The following SLFN12 variants were observed in gnomAD, a reference collection of about 807,000 sequenced individuals.
The protein encoded by SLFN12 is ribonuclease SLFN12.
Under a neutral mutation model 29.1 loss-of-function variants are expected in SLFN12, and 25 were observed. The observed-to-expected ratio is 0.86, with a 90% CI of 0.63 to 1.20. SLFN12 has a LOEUF of 1.20. Among genes scored for constraint, SLFN12 ranks in the 50% most tolerant of loss-of-function variants. The probability of loss-of-function intolerance (pLI) is 0.00; values close to 1 mark genes in which losing one functional copy is unlikely to be tolerated. For missense variants in SLFN12, 660 were observed against 666.2 expected (o/e 0.99, Z 0.10); for synonymous variants, 257 against 238.7 (o/e 1.08, Z -0.71).
At chr17:35,431,143 G>T (rs1215873873) in intron 1 of SLFN12, among the ~76,000 whole-genome samples, 7 of 152,104 alleles carry the variant, frequency 4.6e-5, no homozygotes. Flanking sequence ...TGTTTAAATG[G>T]CCCATCGGGT....
At chr17:35,415,060 A>T (rs911909628) in intron 3 of SLFN12, among the ~76,000 whole-genome samples, 4 of 152,172 alleles carry the variant, frequency 2.6e-5, no homozygotes, top group Non-Finnish European at 4.4e-5. Flanking sequence ...AGCAAAAGCA[A>T]GACTAAGCAA....
chr17:35,430,856 G>A (rs902145645), intron 1 of SLFN12, among the ~76,000 whole-genome samples: 1 of 152,094 alleles, frequency 6.6e-6, no homozygotes, highest in African/African-American at 2.4e-5. Flanking sequence ...GACTCTAAGT[G>A]CCAGCAGCTG....
At chr17:35,425,393 T>C (rs1477749531) in intron 1 of SLFN12, among the ~76,000 whole-genome samples, 3 of 152,092 alleles carry the variant, frequency 2.0e-5, no homozygotes, top group Admixed American at 6.5e-5. Context: ...CCTATCTAAC[T>C]GACATTTTGT....
intron 3 of SLFN12, among the ~76,000 whole-genome samples, chr17:35,412,497 C>A (rs1044885873): frequency 6.6e-6 from 1 of 151,940 alleles, no homozygotes; most frequent in South Asian, 2.1e-4. Context: ...TAAACACCAG[C>A]GACATTACAG....
In SLFN12 at chr17:35,428,523, A is replaced by G. The variant is rs571436536; in HGVS notation, c.-41+3665T>C. ...TATTAGAAAGCAGCATCTTTCCCTCAGTGTTTCCTGAAAACTCAGAGAGAA... is the reference window on the plus strand; with the variant it reads ...TATTAGAAAGCAGCATCTTTCCCTCGGTGTTTCCTGAAAACTCAGAGAGAA... On this transcript the variant is annotated intron_variant, in intron 1 of 3. Transcript: ENST00000304905. Among the ~76,000 whole-genome samples, 4 of 152,266 alleles carry G rather than the reference A, an allele frequency of 2.6e-5. No homozygotes were observed. The South Asian group carries it at 8.3e-4, about 32-fold the overall frequency.
At chr17:35,415,731 A>G (rs1452305970) in intron 3 of SLFN12, among the ~76,000 whole-genome samples, 1 of 152,170 alleles carries the variant, frequency 6.6e-6, no homozygotes, top group Non-Finnish European at 1.5e-5. Flanking sequence ...AAAAGAAGAT[A>G]TACAAATGGC....
chr17:35,420,553 C>G (rs1911568744), intron 2 of SLFN12, 172 bp from the exon 3 acceptor site: 1 of 478,864 alleles, frequency 2.1e-6, no homozygotes, highest in Non-Finnish European at 3.7e-6. Context: ...GCAAAATTAA[C>G]TTTTGATGCC....
At chr17:35,429,983 T>G (rs1912220886) in intron 1 of SLFN12, among the ~76,000 whole-genome samples, 1 of 151,970 alleles carries the variant, frequency 6.6e-6, no homozygotes. Flanking sequence ...TAGAGCACTC[T>G]GCCCTCCCTG....
chr17:35,419,598 A>C (rs562890173), intron 3 of SLFN12, among the ~76,000 whole-genome samples: 1 of 152,288 alleles, frequency 6.6e-6, no homozygotes, highest in African/African-American at 2.4e-5. Flanking sequence ...GAGAAGAAGG[A>C]GGTCAAGAGA....
Position 35,430,246 on chromosome 17 carries a change from A to G in SLFN12, c.-41+1942T>C, listed in dbSNP as rs1483299555. Among the ~76,000 whole-genome samples the G allele has an allele frequency of 2.0e-5, 3 of 152,080 alleles. No homozygotes were observed. In the East Asian group the frequency reaches 5.8e-4, roughly 29 times the overall value. Reference sequence around the variant, plus strand: ...CTGCTCACTGAAACATTCTGTTTGCAGGAGAAAAACAAAAACTTGGTCTGT... The same window carrying G: ...CTGCTCACTGAAACATTCTGTTTGCGGGAGAAAAACAAAAACTTGGTCTGT... On this transcript the variant is annotated intron_variant, in intron 1 of 3. Coordinates refer to ENST00000304905, the MANE Select transcript of SLFN12 (RefSeq NM_018042.5).
At chr17:35,420,192 T>C in intron 3 of SLFN12, 82 bp downstream of exon 3, 1 of 996,562 alleles carries the variant, frequency 1.0e-6, no homozygotes. Flanking sequence ...TCAGAGCAAA[T>C]TTCAAGACTG....
chr17:35,430,124 C>G (rs1017321269), intron 1 of SLFN12, among the ~76,000 whole-genome samples: 5 of 152,070 alleles, frequency 3.3e-5, no homozygotes, highest in African/African-American at 4.8e-5. Flanking sequence ...TCCACCCGAC[C>G]TATAGCTTCC....
In SLFN12 at chr17:35,411,840, T is replaced by C; in HGVS notation, c.1235A>G (p.Glu412Gly). The change falls in exon 4 of 4, where the codon GAA (glutamate) becomes GGA (glycine). Residue 412 changes from glutamate to glycine, a missense_variant. Transcript: ENST00000304905. ...QHEGLKQLICEEMDSVRKGSL... is the reference protein window; with the variant it reads ...QHEGLKQLICGEMDSVRKGSL... ...GCCCTTTCTGACAGAGTCCATTTCT[T>C]CACATATTAATTGCTTAAGTCCTTC... The C allele has an allele frequency of 6.2e-7, 1 of 1,614,016 alleles. No individual in the cohort carries two copies. The highest frequency in any genetic ancestry group is 8.5e-7 in the Non-Finnish European group (1 of 1,179,996).
At position 35,422,454 on chromosome 17, in the gene SLFN12, C is replaced by A. The variant is rs762073212; in HGVS notation, c.575G>T (p.Arg192Leu). ...GVFFDRTELD[R>L]KEKLTFTEST... Reference sequence around the variant, plus strand: ...TTCAGTAAAGGTCAATTTTTCTTTCCGATCAAGTTCTGTTCTATCAAAAAA... The same window carrying A: ...TTCAGTAAAGGTCAATTTTTCTTTCAGATCAAGTTCTGTTCTATCAAAAAA... Residue 192 changes from arginine to leucine, a missense_variant, in exon 2 of 4, where the codon CGG (arginine) becomes CTG (leucine). Physicochemically the swap from Arg to Leu is moderately radical, Grantham distance 102. Transcript: ENST00000304905. 1 of 1,611,838 alleles carries A rather than the reference C, an allele frequency of 6.2e-7. No homozygotes were observed. Among genetic ancestry groups the A allele is most frequent in the Non-Finnish European group, 8.5e-7 (1 of 1,179,440 alleles).
intron 1 of SLFN12, among the ~76,000 whole-genome samples, chr17:35,430,233 A>G (rs1236829495): frequency 6.6e-6 from 1 of 152,034 alleles, no homozygotes; most frequent in Non-Finnish European, 1.5e-5. Context: ...GCTCACTGAA[A>G]CATTCTGTTT....
intron 1 of SLFN12, among the ~76,000 whole-genome samples, chr17:35,429,869 C>T (rs1912210127): frequency 6.6e-6 from 1 of 151,972 alleles, no homozygotes; most frequent in African/African-American, 2.4e-5. Flanking sequence ...TGCCTGGTCG[C>T]ATTTCACCTA....
rs1351743235 is a variant in SLFN12, at chr17:35,413,942, T to TA, written c.1148-2016dup. Among the ~76,000 whole-genome samples the TA allele has an allele frequency of 2.0e-5, 3 of 151,908 alleles. No individual in the cohort carries two copies. The East Asian group carries it at 5.8e-4, about 29-fold the overall frequency. On this transcript the variant is annotated intron_variant, in intron 3 of 3. Coordinates refer to ENST00000304905, the MANE Select transcript of SLFN12 (RefSeq NM_018042.5). ...TTACAAAATTCAACATTCTGTAATTTAAAAAAACCTCTTAACCAACTAGGT... is the reference window on the plus strand; with the variant it reads ...TTACAAAATTCAACATTCTGTAATTTAAAAAAAACCTCTTAACCAACTAGGT...
chr17:35,413,110 G>A (rs909599167), intron 3 of SLFN12, among the ~76,000 whole-genome samples: 5 of 150,796 alleles, frequency 3.3e-5, no homozygotes, highest in African/African-American at 4.9e-5. Flanking sequence ...AGATATATCC[G>A]AAACTGTCAA....
Position 35,411,087 on chromosome 17 carries a change from T to G in SLFN12, c.*251A>C, listed in dbSNP as rs1441359438. ...TTCCCAGTTCAAGCATGGAAGAAAA[T>G]TTATTCAGGAACTACAGACAGAGTA... On this transcript the variant is annotated 3_prime_UTR_variant, in exon 4 of 4. Coordinates refer to ENST00000304905, the MANE Select transcript of SLFN12 (RefSeq NM_018042.5). The G allele has an allele frequency of 3.9e-6, 1 of 257,450 alleles. No homozygotes were observed. The highest frequency in any genetic ancestry group is 2.2e-5 in the African/African-American group (1 of 45,156). 15.9% of individuals were successfully genotyped at this position (257,450 alleles called of 1,614,324 possible).
Sources: allele counts gnomAD v4.1 joint callset (sites outside exome capture counted in the v4.1 genomes callset), GRCh38; gene constraint gnomAD v4.1.1; transcripts MANE v1.5; gene names NCBI Gene and HGNC (gene_info 2026-07-23, HGNC 2026-07-21).